The following CHST12 variants were observed in gnomAD, a reference collection of about 807,000 sequenced individuals.
The protein encoded by CHST12 is carbohydrate sulfotransferase 12.
CHST12 carries 23 observed loss-of-function variants against 27.9 expected under a neutral mutation model. That is an observed-to-expected ratio of 0.82 (90% CI 0.59 to 1.17). The LOEUF is 1.17. CHST12 is among the 50% of genes most tolerant of loss of function. CHST12 has a pLI of 0.00. For missense variants in CHST12, 682 were observed against 603.0 expected, an observed-to-expected ratio of 1.13 and a Z score of -1.37; for synonymous variants, 322 against 273.0, an observed-to-expected ratio of 1.18 and a Z score of -1.77.
chr7:2,433,668 G>A lies in CHST12; in HGVS notation c.1029G>A (p.Glu343=). Residue 343 remains glutamate (E), a synonymous_variant, in exon 2 of 2, where the codon GAG becomes GAA. Coordinates refer to ENST00000618655, the MANE Select transcript of CHST12 (RefSeq NM_018641.5). This position sits in a 1 kb window ranked among gnomAD's most constrained non-coding sequence, Gnocchi z 6.1. ...QIDYDFVGKL[E]TLDEDAAQLL... Reference sequence around the variant, plus strand: ...ACTACGACTTCGTGGGGAAGCTGGAGACTCTGGACGAGGACGCCGCGCAGC... The same window carrying A: ...ACTACGACTTCGTGGGGAAGCTGGAAACTCTGGACGAGGACGCCGCGCAGC... 1 of 1,613,490 alleles carries A rather than the reference G, an allele frequency of 6.2e-7. No individual in the cohort carries two copies. Among genetic ancestry groups the A allele is most frequent in the South Asian group, 1.1e-5 (1 of 91,070 alleles).
At position 2,438,364 on chromosome 7, in the gene CHST12, T is replaced by G. The variant is rs2398633; in HGVS notation, c.*4480T>G. 0.98 allele frequency: 150,006 copies of G among 152,344 alleles called. 73,898 individuals carry two copies. The highest frequency in any genetic ancestry group is 1 in the East Asian group (5,168 of 5,168). The allele number at this position is 152,344 out of a possible 1,614,324, so 9.4% of individuals were successfully genotyped here. A position where few individuals can be genotyped will look rare whatever the true frequency, so the allele number is the denominator to read the frequency against. On this transcript the variant is annotated 3_prime_UTR_variant, in exon 2 of 2. Transcript: ENST00000618655. Reference sequence around the variant, plus strand: ...CCCTCCATGTGTGCTCACCCGCCTGTATGGAGGCAGCCCAGGGGAGCGGCT... The same window carrying G: ...CCCTCCATGTGTGCTCACCCGCCTGGATGGAGGCAGCCCAGGGGAGCGGCT...
At chr7:2,412,519 T>C (rs192177864) in intron 1 of CHST12, among the ~76,000 whole-genome samples, 57 of 152,362 alleles carry the variant, frequency 3.7e-4, no homozygotes, top group African/African-American at 1.3e-3. Context: ...GCGCTTCTTA[T>C]TGAAGGTCAT....
In CHST12 at chr7:2,425,153, C is replaced by T. The variant is rs150225857; in HGVS notation, c.-77-7410C>T. Among the ~76,000 whole-genome samples, 771 of 145,736 alleles carry T rather than the reference C, an allele frequency of 5.3e-3. 6 individuals carry two copies. The highest frequency in any genetic ancestry group is 0.019 in the African/African-American group (736 of 39,138). ...CCGGGAGGCAGAGATTGCAGTGAGC[C>T]GAGATTGCACCACTGCACTCCAGCC... On this transcript the variant is annotated intron_variant, in intron 1 of 1. Transcript: ENST00000618655.
chr7:2,447,108 C>T lies in CHST12; in HGVS notation c.*13224C>T, dbSNP rs1315954477. On this transcript the variant is annotated 3_prime_UTR_variant, in exon 2 of 2. Coordinates refer to ENST00000618655, the MANE Select transcript of CHST12 (RefSeq NM_018641.5). ...GAGTGGCCCCCAGGGACCAGCAGCA[C>T]GAAAGGCACACTGAGGCACACTGGC... The T allele has an allele frequency of 1.3e-5, 2 of 152,378 alleles. No homozygotes were observed. The highest frequency in any genetic ancestry group is 2.1e-4 in the South Asian group (1 of 4,832). 9.4% of individuals were successfully genotyped at this position (152,378 alleles called of 1,614,324 possible).
chr7:2,424,498 A>G (rs1022272916), intron 1 of CHST12, among the ~76,000 whole-genome samples: 20 of 152,156 alleles, frequency 1.3e-4, no homozygotes, highest in African/African-American at 4.8e-4. Flanking sequence ...CGTGAGAGGC[A>G]GATAGACTCC....
In CHST12 at chr7:2,434,388, C is replaced by G. The variant is rs1317204569; in HGVS notation, c.*504C>G. 2 of 168,464 alleles carry G rather than the reference C, an allele frequency of 1.2e-5. No individual in the cohort carries two copies. Among genetic ancestry groups the G allele is most frequent in the East Asian group, 3.8e-4 (2 of 5,210 alleles). 10.4% of individuals were successfully genotyped at this position (168,464 alleles called of 1,614,324 possible). ...GAAGTCAAGTCAGAGGTAAACCGGT[C>G]AGTTACAGAAGCAGGATTTCTAGGA... On this transcript the variant is annotated 3_prime_UTR_variant, in exon 2 of 2. Transcript: ENST00000618655.
At chr7:2,404,578 G>C (rs985577559) in intron 1 of CHST12, among the ~76,000 whole-genome samples, 3 of 152,226 alleles carry the variant, frequency 2.0e-5, no homozygotes, top group Non-Finnish European at 4.4e-5. Flanking sequence ...AGCTCAGCGG[G>C]TCCCCCACTT....
In CHST12 at chr7:2,433,335, G is replaced by T. The variant is rs768398307; in HGVS notation, c.696G>T (p.Lys232Asn). 6.2e-7 allele frequency: 1 copy of T among 1,612,696 alleles called. No homozygotes were observed. The highest frequency in any genetic ancestry group is 8.5e-7 in the Non-Finnish European group (1 of 1,179,914). ...GGAAGCTCTCCCGCCACCTCATGAA[G>T]GTCAAGCTCAAGAAGTACACCAAGT... The part of the protein sequence containing the change: ...RYGKLSRHLM[K>N]VKLKKYTKFL... Residue 232 changes from lysine (K) to asparagine (N), a missense_variant, in exon 2 of 2, where the codon AAG (lysine) becomes AAT (asparagine). Transcript: ENST00000618655. The surrounding 1 kb of genome is among the most constrained non-coding windows in gnomAD (Gnocchi z 6.1).
At chr7:2,416,112 C>T (rs986496851) in intron 1 of CHST12, among the ~76,000 whole-genome samples, 1 of 152,228 alleles carries the variant, frequency 6.6e-6, no homozygotes, top group Non-Finnish European at 1.5e-5. Flanking sequence ...CTTTTCTGGT[C>T]ATCTCAGCAG....
chr7:2,435,355 CAAG>C lies in CHST12; in HGVS notation c.*1476_*1478del, dbSNP rs1782446327. The C allele has an allele frequency of 6.6e-6, 1 of 152,156 alleles. No individual in the cohort carries two copies. Among genetic ancestry groups the C allele is most frequent in the Non-Finnish European group, 1.5e-5 (1 of 68,078 alleles). 9.4% of individuals were successfully genotyped at this position (152,156 alleles called of 1,614,324 possible). ...GCTGGATGACAGTACCCAGTGTCAC[CAAG>C]AAGAGGCTCCGTGTGACTGTCTCTG... On this transcript the variant is annotated 3_prime_UTR_variant, in exon 2 of 2. Coordinates refer to ENST00000618655, the MANE Select transcript of CHST12 (RefSeq NM_018641.5).
At position 2,440,333 on chromosome 7, in the gene CHST12, G is replaced by C. The variant is rs1462591574; in HGVS notation, c.*6449G>C. Reference sequence around the variant, plus strand: ...AGTACTGGCTAGAAGCTGGCGGGGTGTGTGTGTGCAGGTGTGCGAGTGCAT... The same window carrying C: ...AGTACTGGCTAGAAGCTGGCGGGGTCTGTGTGTGCAGGTGTGCGAGTGCAT... On this transcript the variant is annotated 3_prime_UTR_variant, in exon 2 of 2. Coordinates refer to ENST00000618655, the MANE Select transcript of CHST12 (RefSeq NM_018641.5). 6.5e-6 allele frequency: 1 copy of C among 154,584 alleles called. No individual in the cohort carries two copies. Among genetic ancestry groups the C allele is most frequent in the African/African-American group, 2.4e-5 (1 of 41,518 alleles). 9.6% of individuals were successfully genotyped at this position (154,584 alleles called of 1,614,324 possible).
chr7:2,411,315 C>G (rs1389592906), intron 1 of CHST12, among the ~76,000 whole-genome samples: 1 of 152,006 alleles, frequency 6.6e-6, no homozygotes, highest in Non-Finnish European at 1.5e-5. Flanking sequence ...CTCCTGGTCT[C>G]AAAATATTAT....
At chr7:2,425,120 G>A (rs1782075969) in intron 1 of CHST12, among the ~76,000 whole-genome samples, 2 of 149,430 alleles carry the variant, frequency 1.3e-5, no homozygotes, top group Non-Finnish European at 3.0e-5. Context: ...GCAGAAAATC[G>A]CATGAACCCG....
intron 1 of CHST12, among the ~76,000 whole-genome samples, chr7:2,429,244 A>AG (rs1182161076): frequency 6.6e-6 from 1 of 152,174 alleles, no homozygotes; most frequent in African/African-American, 2.4e-5. Context: ...CAATAGTTTC[A>AG]GGGGGTCTCC....
At chr7:2,432,506 A>G in intron 1 of CHST12, 57 bp from the exon 2 acceptor site, 1 of 1,025,462 alleles carries the variant, frequency 9.8e-7, no homozygotes, top group Non-Finnish European at 1.4e-6. Context: ...ATCAGAAGGC[A>G]GGAGTCAGAG....
At position 2,417,301 on chromosome 7, in the gene CHST12, T is replaced by G. The variant is rs947258702; in HGVS notation, c.-78+13628T>G. Among the ~76,000 whole-genome samples, 5 of 150,758 alleles carry G rather than the reference T, an allele frequency of 3.3e-5. No individual in the cohort carries two copies. The East Asian group carries it at 5.9e-4, about 18-fold the overall frequency. On this transcript the variant is annotated intron_variant, in intron 1 of 1. Coordinates refer to ENST00000618655, the MANE Select transcript of CHST12 (RefSeq NM_018641.5). ...GTGCAGTGGCGTGATCTCAGCTCACTGCAACCTCTGCTTCCTGGGTTCAAG... is the reference window on the plus strand; with the variant it reads ...GTGCAGTGGCGTGATCTCAGCTCACGGCAACCTCTGCTTCCTGGGTTCAAG...
intron 1 of CHST12, among the ~76,000 whole-genome samples, chr7:2,407,973 TAGTG>T (rs1474298065): frequency 6.6e-6 from 1 of 151,914 alleles, no homozygotes; most frequent in Non-Finnish European, 1.5e-5. Flanking sequence ...CAAACTTGGA[TAGTG>T]AGAGAGGCTG....
intron 1 of CHST12, among the ~76,000 whole-genome samples, chr7:2,413,695 G>A (rs1781728814): frequency 7.2e-6 from 1 of 139,424 alleles, no homozygotes; most frequent in Non-Finnish European, 1.6e-5. Context: ...ACTTGCTGAT[G>A]TACATTGGGG....
Position 2,433,027 on chromosome 7 carries a change from G to A in CHST12, c.388G>A (p.Gly130Ser), listed in dbSNP as rs11537796. The change falls in exon 2 of 2, where the codon GGC becomes AGC. Residue 130 changes from glycine (G) to serine (S), a missense_variant. Physicochemically the swap from Gly to Ser is moderately conservative, Grantham distance 56. Transcript: ENST00000618655. The surrounding 1 kb of genome is among the most constrained non-coding windows in gnomAD (Gnocchi z 6.1). ...QQAERRSVLRGFCANSSLAFP... is the reference protein window; with the variant it reads ...QQAERRSVLRSFCANSSLAFP... The stretch of plus-strand genomic sequence containing the variant: ...GGCGGAGCGGAGGAGCGTGCTGCGG[G>A]GCTTCTGCGCCAACTCCAGCCTGGC... 37 of 1,611,172 alleles carry A rather than the reference G, an allele frequency of 2.3e-5. No homozygotes were observed. The highest frequency in any genetic ancestry group is 5.3e-5 in the African/African-American group (4 of 74,888).
Sources: gnomAD v4.1 joint callset for allele counts (sites outside exome capture counted in the v4.1 genomes callset) on GRCh38, gnomAD v4.1.1 for gene constraint, Gnocchi (gnomAD v3.1) non-coding constraint, MANE v1.5 for transcripts, NCBI Gene and HGNC (gene_info 2026-07-23, HGNC 2026-07-21) for gene names.